The following SLC25A13 variants were observed in gnomAD, a reference collection of about 807,000 sequenced individuals.
The protein encoded by SLC25A13 is solute carrier family 25 member 13.
A neutral mutation model predicts 85.5 loss-of-function variants in SLC25A13; 70 were observed. The ratio of observed to expected loss-of-function variants is 0.82; its 90% CI spans 0.68 to 1.00. SLC25A13 has a LOEUF of 1.00. Ranked by LOEUF, SLC25A13 falls within the 50% of genes least tolerant of loss-of-function variation. The probability of loss-of-function intolerance (pLI) is 0.00; values close to 1 mark genes in which losing one functional copy is unlikely to be tolerated. For synonymous variants in SLC25A13, 259 were observed against 288.7 expected (o/e 0.90, Z 1.04); for missense variants, 765 against 819.8 (o/e 0.93, Z 0.82).
intron 3 of SLC25A13, among the ~76,000 whole-genome samples, chr7:96,271,514 T>C (rs1009362779): frequency 1.3e-5 from 2 of 152,162 alleles, no homozygotes; most frequent in African/African-American, 4.8e-5. Flanking sequence ...AAGAGGACTG[T>C]GAGATTATGA....
intron 3 of SLC25A13, among the ~76,000 whole-genome samples, chr7:96,240,978 G>T (rs1295112208): frequency 6.1e-5 from 5 of 81,384 alleles, no homozygotes; most frequent in African/African-American, 2.3e-4. Context: ...CGAAAGGAGA[G>T]GAGAGGGGAG....
At chr7:96,169,999 T>A (rs80152483) in intron 13 of SLC25A13, 46 bp downstream of exon 13, 3 of 1,563,514 alleles carry the variant, frequency 1.9e-6, no homozygotes, top group Admixed American at 1.7e-5. Flanking sequence ...GTGATATATA[T>A]GTGAAACAAG....
intron 13 of SLC25A13, among the ~76,000 whole-genome samples, chr7:96,157,548 A>G (rs1793331745): frequency 6.6e-6 from 1 of 152,232 alleles, no homozygotes; most frequent in Non-Finnish European, 1.5e-5. Flanking sequence ...TCACACCTGT[A>G]ATCCCAGCAC....
intron 3 of SLC25A13, among the ~76,000 whole-genome samples, chr7:96,276,509 G>T (rs541611108): frequency 6.6e-6 from 1 of 152,242 alleles, no homozygotes; most frequent in African/African-American, 2.4e-5. Context: ...TTTGATACCA[G>T]CTACTCAGGA....
intron 4 of SLC25A13, among the ~76,000 whole-genome samples, chr7:96,219,310 A>T (rs1356892350): frequency 6.6e-6 from 1 of 152,190 alleles, no homozygotes; most frequent in Non-Finnish European, 1.5e-5. Flanking sequence ...TCTTTCAAAA[A>T]ATAAGCACAC....
At chr7:96,265,744 T>C (rs949244793) in intron 3 of SLC25A13, among the ~76,000 whole-genome samples, 2 of 152,186 alleles carry the variant, frequency 1.3e-5, no homozygotes, top group African/African-American at 4.8e-5. Flanking sequence ...CTTATTCTGT[T>C]CAGGTTATTA....
chr7:96,217,467 G>A (rs554040972), intron 4 of SLC25A13, among the ~76,000 whole-genome samples: 2 of 152,058 alleles, frequency 1.3e-5, no homozygotes, highest in South Asian at 4.2e-4. Flanking sequence ...TAATAGCCAA[G>A]CACTGGGAAC....
intron 4 of SLC25A13, among the ~76,000 whole-genome samples, chr7:96,224,007 T>C (rs1796235824): frequency 1.3e-5 from 2 of 152,138 alleles, no homozygotes; most frequent in African/African-American, 4.8e-5. Context: ...GTACTCTTTC[T>C]TAAAACCCAC....
At chr7:96,150,135 T>A (rs984456579) in intron 13 of SLC25A13, among the ~76,000 whole-genome samples, 25 of 151,856 alleles carry the variant, frequency 1.6e-4, no homozygotes, top group Non-Finnish European at 8.8e-5. Flanking sequence ...CTCTTTGTTA[T>A]TGAAATCTTA....
intron 11 of SLC25A13, among the ~76,000 whole-genome samples, chr7:96,177,191 G>A (rs1454094937): frequency 6.6e-6 from 1 of 152,156 alleles, no homozygotes; most frequent in Non-Finnish European, 1.5e-5. Flanking sequence ...TAGCTAAGGA[G>A]TATCATGCTG....
intron 11 of SLC25A13, among the ~76,000 whole-genome samples, chr7:96,179,288 C>G (rs1794335119): frequency 6.6e-6 from 1 of 152,200 alleles, no homozygotes; most frequent in Non-Finnish European, 1.5e-5. Context: ...TTTAATCTAT[C>G]TCCCTTGTTT....
chr7:96,142,377 T>C (rs948992489), intron 14 of SLC25A13, among the ~76,000 whole-genome samples: 2 of 152,216 alleles, frequency 1.3e-5, no homozygotes, highest in Non-Finnish European at 2.9e-5. Context: ...TGTTTCTGCA[T>C]TGATTTGCTT....
At chr7:96,196,182 A>C (rs1444642494) in intron 5 of SLC25A13, among the ~76,000 whole-genome samples, 1 of 152,250 alleles carries the variant, frequency 6.6e-6, no homozygotes, top group East Asian at 1.9e-4. Flanking sequence ...AGAAGAAATC[A>C]ACTGTTAAAC....
intron 2 of SLC25A13, among the ~76,000 whole-genome samples, chr7:96,285,836 G>A (rs1798864833): frequency 6.6e-6 from 1 of 152,150 alleles, no homozygotes; most frequent in Non-Finnish European, 1.5e-5. Flanking sequence ...ATACACATCT[G>A]TTTAAACTAA....
chr7:96,281,034 T>C (rs1038086642), intron 2 of SLC25A13, among the ~76,000 whole-genome samples: 10 of 152,086 alleles, frequency 6.6e-5, no homozygotes, highest in African/African-American at 2.4e-4. Flanking sequence ...TGTCAACCAA[T>C]AGTAGGATAC....
At chr7:96,255,719 A>G (rs1797608460) in intron 3 of SLC25A13, among the ~76,000 whole-genome samples, 1 of 152,088 alleles carries the variant, frequency 6.6e-6, no homozygotes, top group Admixed American at 6.6e-5. Flanking sequence ...AGAAGAGAAA[A>G]ACAAAAGGTC....
intron 5 of SLC25A13, among the ~76,000 whole-genome samples, chr7:96,202,861 C>G (rs912441710): frequency 6.6e-6 from 1 of 152,076 alleles, no homozygotes; most frequent in African/African-American, 2.4e-5. Flanking sequence ...TAGCCCAAGG[C>G]TAAAACCCAA....
chr7:96,293,862 G>A (rs962306131), intron 2 of SLC25A13, among the ~76,000 whole-genome samples: 5 of 152,202 alleles, frequency 3.3e-5, no homozygotes, highest in Non-Finnish European at 7.3e-5. Context: ...CATTGTGGAA[G>A]ACAGTGTGGC....
At chr7:96,191,281 T>C (rs745574084) in intron 6 of SLC25A13, 34 bp from the exon 7 acceptor site, 6 of 1,609,910 alleles carry the variant, frequency 3.7e-6, no homozygotes, top group Non-Finnish European at 5.1e-6. Flanking sequence ...AGAAGAAAAA[T>C]ATACAAAAGA....
Sources: allele counts gnomAD v4.1 joint callset (sites outside exome capture counted in the v4.1 genomes callset), GRCh38; gene constraint gnomAD v4.1.1; transcripts MANE v1.5; gene names NCBI Gene and HGNC (gene_info 2026-07-23, HGNC 2026-07-21).